MPDZ: variants seen among roughly 807,000 people sequenced by gnomAD.
The protein encoded by MPDZ is multiple PDZ domain protein.
A neutral mutation model predicts 239.1 loss-of-function variants in MPDZ; 234 were observed. The ratio of observed to expected loss-of-function variants is 0.98; its 90% confidence interval spans 0.88 to 1.09. MPDZ has a LOEUF of 1.09. Ranked by LOEUF, MPDZ falls within the 50% of genes least tolerant of loss-of-function variation. The pLI, the probability that MPDZ is intolerant of heterozygous loss-of-function variation, is 0.00. For missense variants in MPDZ, 3,175 were observed against 2,510.0 expected, an observed-to-expected ratio of 1.26 and a Z score of -5.66; for synonymous variants, 1,048 against 881.3, an observed-to-expected ratio of 1.19 and a Z score of -3.35.
chr9:13,200,311 G>A (rs1319180822), intron 12 of MPDZ, among the ~76,000 whole-genome samples: 1 of 151,848 alleles, frequency 6.6e-6, no homozygotes, highest in Non-Finnish European at 1.5e-5. Context: ...ATTTGTCTCT[G>A]ATTTTATCTA....
At chr9:13,123,360 C>G in intron 35 of MPDZ, 62 bp from the exon 36 acceptor site, 1 of 1,429,606 alleles carries the variant, frequency 7.0e-7, no homozygotes, top group Non-Finnish European at 9.6e-7. Context: ...ATCCATCAAA[C>G]TCATCACACA....
intron 12 of MPDZ, among the ~76,000 whole-genome samples, chr9:13,203,182 TAAAC>T (rs1444405733): frequency 3.3e-5 from 5 of 152,050 alleles, no homozygotes; most frequent in South Asian, 2.1e-4. Flanking sequence ...TAAAAGCAAA[TAAAC>T]AAATTCAGTA....
intron 23 of MPDZ, among the ~76,000 whole-genome samples, chr9:13,160,701 A>G (rs893373723): frequency 2.6e-5 from 4 of 151,178 alleles, no homozygotes; most frequent in Non-Finnish European, 5.9e-5. Flanking sequence ...CGTCTCCCCT[A>G]TCCCTCGTAT....
At chr9:13,113,766 G>A (rs1425913118) in intron 41 of MPDZ, among the ~76,000 whole-genome samples, 165 bp downstream of exon 41, 1 of 152,172 alleles carries the variant, frequency 6.6e-6, no homozygotes, top group Non-Finnish European at 1.5e-5. Context: ...AGCTGCCATA[G>A]GCAGAACTTC....
At chr9:13,252,568 C>CA (rs56937303) in intron 1 of MPDZ, among the ~76,000 whole-genome samples, 108,742 of 129,730 alleles carry the variant, frequency 0.84, 45,311 homozygotes, top group East Asian at 0.98. Context: ...CTGTCCCCCG[C>CA]AAAAAAAAAA....
chr9:13,115,216 G>GC, intron 40 of MPDZ, 32 bp downstream of exon 40: 1 of 1,576,446 alleles, frequency 6.3e-7, no homozygotes, highest in African/African-American at 1.3e-5. Flanking sequence ...CATGCCGATT[G>GC]CATCGCCCTG....
Position 13,138,129 on chromosome 9 carries a change from G to T in MPDZ, c.4028C>A (p.Thr1343Asn), listed in dbSNP as rs1947114829. 2 of 1,594,582 alleles carry T rather than the reference G, an allele frequency of 1.3e-6. No homozygotes were observed. Among genetic ancestry groups the T allele is most frequent in the South Asian group, 1.1e-5 (1 of 87,332 alleles). Reference protein sequence around the residue: ...SWKNIRERYGTLTGELHMIEL... With the variant: ...SWKNIRERYGNLTGELHMIEL... ...AATCATATGCAGCTCGCCTGTTAGGGTTCCATAACGCTCTCTGATATTTTC... is the reference window on the plus strand; with the variant it reads ...AATCATATGCAGCTCGCCTGTTAGGTTTCCATAACGCTCTCTGATATTTTC... Residue 1343 changes from threonine to asparagine, a missense_variant, in exon 29 of 47, where the codon ACC (threonine) becomes AAC (asparagine). Physicochemically the swap from Thr to Asn is moderately conservative, Grantham distance 65. Coordinates refer to ENST00000319217, the MANE Select transcript of MPDZ (RefSeq NM_001378778.1).
At chr9:13,171,671 G>C (rs1406697917) in intron 21 of MPDZ, among the ~76,000 whole-genome samples, 1 of 152,036 alleles carries the variant, frequency 6.6e-6, no homozygotes, top group Non-Finnish European at 1.5e-5. Context: ...TAATGTATCT[G>C]TATTTCTGTA....
chr9:13,203,773 C>CAG (rs1239287444), intron 12 of MPDZ, among the ~76,000 whole-genome samples: 43 of 125,720 alleles, frequency 3.4e-4, no homozygotes, highest in African/African-American at 1.2e-3. Flanking sequence ...CACACACACA[C>CAG]AGAGAGAGAA....
rs760070272 is a variant in MPDZ, at chr9:13,176,177, T to C, written c.2890A>G (p.Ser964Gly). The change falls in exon 20 of 47, where the codon AGT becomes GGT. Residue 964 changes from serine to glycine, a missense_variant. Physicochemically the swap from Ser to Gly is moderately conservative, Grantham distance 56 (BLOSUM62 0). Transcript: ENST00000319217. ...GGTAGCACAGAAGGAAGTTCTGCAC[T>C]TGATATAACTTCACTTGGTAAATGA... is the stretch of plus-strand genomic sequence containing the variant. ...ESHLPSEVIS[S>G]AELPSVLPDS... is the part of the protein sequence containing the mutation. 6.2e-7 allele frequency: 1 copy of C among 1,603,330 alleles called. No homozygotes were observed. The highest frequency in any genetic ancestry group is 1.1e-5 in the South Asian group (1 of 89,166).
intron 1 of MPDZ, among the ~76,000 whole-genome samples, chr9:13,262,667 A>T (rs1970962603): frequency 6.6e-6 from 1 of 151,936 alleles, no homozygotes; most frequent in Admixed American, 6.6e-5. Flanking sequence ...TAGGAATGAG[A>T]AAAAAAGGAA....
chr9:13,266,574 A>T (rs964193591), intron 1 of MPDZ, among the ~76,000 whole-genome samples: 3 of 152,218 alleles, frequency 2.0e-5, no homozygotes, highest in Non-Finnish European at 4.4e-5. Flanking sequence ...TTATTTGAAG[A>T]TGTAAGAAAA....
chr9:13,147,794 T>C (rs1055684279), intron 25 of MPDZ, 136 bp from the exon 26 acceptor site: 2 of 632,912 alleles, frequency 3.2e-6, no homozygotes, highest in Non-Finnish European at 2.7e-6. Flanking sequence ...TGAGACTACA[T>C]GTGAAGCTGC....
chr9:13,161,967 T>C (rs1435062633), intron 23 of MPDZ, among the ~76,000 whole-genome samples: 1 of 152,136 alleles, frequency 6.6e-6, no homozygotes, highest in African/African-American at 2.4e-5. Context: ...AAATTACAAA[T>C]AAAAAATGTT....
At chr9:13,231,379 A>C (rs958646708) in intron 3 of MPDZ, among the ~76,000 whole-genome samples, 3 of 152,028 alleles carry the variant, frequency 2.0e-5, no homozygotes, top group Non-Finnish European at 4.4e-5. Context: ...CAGCCTGGCC[A>C]ACATGGCAAA....
chr9:13,222,475 A>T, intron 5 of MPDZ, 29 bp from the exon 6 acceptor site: 16 of 1,552,718 alleles, frequency 1.0e-5, no homozygotes, highest in Non-Finnish European at 1.4e-5. Flanking sequence ...GGGATAAAAG[A>T]CAATCTGAGA....
intron 28 of MPDZ, among the ~76,000 whole-genome samples, chr9:13,139,577 C>A (rs956880927): frequency 3.9e-5 from 6 of 152,132 alleles, no homozygotes; most frequent in African/African-American, 1.4e-4. Context: ...TATACTATGT[C>A]ACCATTCTGG....
At chr9:13,269,763 T>G (rs547198380) in intron 1 of MPDZ, among the ~76,000 whole-genome samples, 5 of 152,172 alleles carry the variant, frequency 3.3e-5, no homozygotes, top group African/African-American at 4.8e-5. Context: ...TGTCAGTCAT[T>G]GGTAGTCCAC....
intron 19 of MPDZ, 94 bp from the exon 20 acceptor site, chr9:13,176,511 T>C (rs1469234565): frequency 9.7e-7 from 1 of 1,025,770 alleles, no homozygotes; most frequent in East Asian, 2.7e-5. Context: ...AACTATTTAG[T>C]GAAATGTAAA....
Sources: allele counts gnomAD v4.1 joint callset (sites outside exome capture counted in the v4.1 genomes callset), GRCh38; gene constraint gnomAD v4.1.1; transcripts MANE v1.5; gene names NCBI Gene and HGNC (gene_info 2026-07-23, HGNC 2026-07-21).